The following MAD1L1 variants were observed in gnomAD, a reference collection of about 807,000 sequenced individuals.
MAD1L1 encodes mitotic arrest deficient 1 like 1.
MAD1L1 carries 95 observed loss-of-function variants against 96.9 expected under a neutral mutation model. The ratio of observed to expected loss-of-function variants is 0.98; its 90% CI spans 0.83 to 1.16. The LOEUF (loss-of-function observed/expected upper bound fraction) is 1.16. Among genes scored for constraint, MAD1L1 ranks in the 50% most tolerant of loss-of-function variants. The pLI, the probability that MAD1L1 is intolerant of heterozygous loss-of-function variation, is 0.00. For missense variants in MAD1L1, 1,007 were observed against 954.4 expected, an observed-to-expected ratio of 1.06 and a Z score of -0.73; for synonymous variants, 473 against 396.6, an observed-to-expected ratio of 1.19 and a Z score of -2.29.
At chr7:1,848,132 G>A (rs1475877147) in intron 18 of MAD1L1, 2 of 229,820 alleles carry the variant, frequency 8.7e-6, no homozygotes, top group South Asian at 6.1e-5. Context: ...CGCTCTCAGG[G>A]CTGGGTCCGC....
intron 10 of MAD1L1, among the ~76,000 whole-genome samples, chr7:2,211,512 G>C (rs1562376462): frequency 6.6e-6 from 1 of 152,228 alleles, no homozygotes; most frequent in Admixed American, 6.5e-5. Flanking sequence ...AGGCACGTGG[G>C]GGCCTCTGAT....
intron 15 of MAD1L1, among the ~76,000 whole-genome samples, chr7:1,979,471 A>T (rs1235180686): frequency 6.6e-6 from 1 of 152,224 alleles, no homozygotes; most frequent in Non-Finnish European, 1.5e-5. Flanking sequence ...GGGTTGCCCC[A>T]CAGCCACTTT....
chr7:2,162,451 G>A (rs1406459347), intron 10 of MAD1L1, among the ~76,000 whole-genome samples: 9 of 151,238 alleles, frequency 6.0e-5, no homozygotes, highest in Admixed American at 6.6e-5. Context: ...CAAACACTGC[G>A]GAAGGCCGCA....
intron 17 of MAD1L1, among the ~76,000 whole-genome samples, chr7:1,914,649 T>C (rs1788256447): frequency 6.6e-6 from 1 of 152,216 alleles, no homozygotes; most frequent in African/African-American, 2.4e-5. Context: ...GGTCTCACTA[T>C]GTTGCCCAGG....
chr7:2,126,255 A>G (rs1052229127), intron 11 of MAD1L1, among the ~76,000 whole-genome samples: 1 of 152,118 alleles, frequency 6.6e-6, no homozygotes, highest in Admixed American at 6.5e-5. Flanking sequence ...TGGACGGGGG[A>G]CGCCCACAGA....
chr7:2,155,576 G>C (rs182849704), intron 10 of MAD1L1, among the ~76,000 whole-genome samples: 1 of 152,148 alleles, frequency 6.6e-6, no homozygotes, highest in Non-Finnish European at 1.5e-5. Context: ...TCTCTGTGAC[G>C]GGCTCACTCT....
intron 15 of MAD1L1, among the ~76,000 whole-genome samples, chr7:1,971,006 C>T (rs971968015): frequency 6.6e-5 from 10 of 152,234 alleles, no homozygotes; most frequent in Non-Finnish European, 1.5e-5. Context: ...TAAACTCCTT[C>T]TCAGGCCTGC....
intron 11 of MAD1L1, among the ~76,000 whole-genome samples, chr7:2,118,933 C>T (rs1787848609): frequency 6.6e-6 from 1 of 152,166 alleles, no homozygotes. Context: ...CTCTCCTTGA[C>T]CTGCAGTGCA....
chr7:2,038,314 A>G (rs1289473391), intron 12 of MAD1L1, among the ~76,000 whole-genome samples: 2 of 152,144 alleles, frequency 1.3e-5, no homozygotes, highest in Non-Finnish European at 2.9e-5. Context: ...AGTTCTCCAG[A>G]AGATCCAGCT....
At chr7:1,913,398 G>T (rs1239456923) in intron 17 of MAD1L1, among the ~76,000 whole-genome samples, 1 of 152,186 alleles carries the variant, frequency 6.6e-6, no homozygotes, top group Non-Finnish European at 1.5e-5. Flanking sequence ...GGGCAGACGG[G>T]CTCTGCATGA....
intron 12 of MAD1L1, among the ~76,000 whole-genome samples, chr7:2,053,629 C>A (rs967466259): frequency 1.9e-4 from 29 of 152,308 alleles, no homozygotes; most frequent in African/African-American, 6.7e-4. Flanking sequence ...CCGCACAGCA[C>A]GTTCCAGCCA....
intron 12 of MAD1L1, among the ~76,000 whole-genome samples, chr7:2,046,184 C>T (rs1441976677): frequency 6.6e-6 from 1 of 152,184 alleles, no homozygotes; most frequent in Non-Finnish European, 1.5e-5. Context: ...ACTGAAGCCC[C>T]GCCCTCCCTA....
At chr7:2,105,518 CA>C (rs1471596055) in intron 11 of MAD1L1, among the ~76,000 whole-genome samples, 1 of 152,114 alleles carries the variant, frequency 6.6e-6, no homozygotes, top group Non-Finnish European at 1.5e-5. Flanking sequence ...TCATAAAGGA[CA>C]ACCCAAATGT....
chr7:2,022,136 C>T (rs1179440906), intron 12 of MAD1L1, among the ~76,000 whole-genome samples: 1 of 152,000 alleles, frequency 6.6e-6, no homozygotes, highest in Non-Finnish European at 1.5e-5. Flanking sequence ...TCCTTAGTCT[C>T]GTTCATCTAA....
intron 18 of MAD1L1, among the ~76,000 whole-genome samples, chr7:1,853,436 G>A (rs542820432): frequency 2.9e-4 from 44 of 152,150 alleles, no homozygotes; most frequent in Non-Finnish European, 5.4e-4. Flanking sequence ...ACAAACACAC[G>A]CTCAGCCCGG....
chr7:1,875,404 C>T (rs1007001746), intron 18 of MAD1L1, among the ~76,000 whole-genome samples: 3 of 152,236 alleles, frequency 2.0e-5, no homozygotes, highest in African/African-American at 7.2e-5. Context: ...CTAAGAACAA[C>T]GCGAAGTTCT....
intron 12 of MAD1L1, among the ~76,000 whole-genome samples, chr7:2,042,246 TAC>T (rs1228654567): frequency 8.5e-5 from 12 of 140,778 alleles, no homozygotes; most frequent in African/African-American, 1.9e-4. Context: ...TGCGCACACG[TAC>T]ACAGACACAC....
chr7:1,960,018 A>G (rs1469967491), intron 15 of MAD1L1, among the ~76,000 whole-genome samples: 1 of 152,250 alleles, frequency 6.6e-6, no homozygotes, highest in South Asian at 2.1e-4. Context: ...AATAAAATGT[A>G]TGACAACAGT....
intron 18 of MAD1L1, among the ~76,000 whole-genome samples, chr7:1,858,368 G>A (rs551059477): frequency 6.6e-6 from 1 of 152,376 alleles, no homozygotes; most frequent in African/African-American, 2.4e-5. Flanking sequence ...AATGGCTTTT[G>A]TTTTTGCCTT....
Sources: allele counts gnomAD v4.1 joint callset (sites outside exome capture counted in the v4.1 genomes callset), GRCh38; gene constraint gnomAD v4.1.1; transcripts MANE v1.5; gene names NCBI Gene and HGNC (gene_info 2026-07-23, HGNC 2026-07-21).